The following OR52E4 variants were observed in gnomAD, a reference collection of about 807,000 sequenced individuals.
OR52E4 encodes olfactory receptor family 52 subfamily E member 4, also known as olfactory receptor 52E4.
For synonymous variants in OR52E4, 169 were observed against 137.4 expected (o/e 1.23, Z -1.61); for missense variants, 444 against 383.8 (o/e 1.16, Z -1.31).
chr11:5,885,430 A>T lies in OR52E4; in HGVS notation c.*199A>T. 1 of 521,870 alleles carries T rather than the reference A, an allele frequency of 1.9e-6. No individual in the cohort carries two copies. Among genetic ancestry groups the T allele is most frequent in the Non-Finnish European group, 3.4e-6 (1 of 297,348 alleles). 32.3% of individuals were successfully genotyped at this position (521,870 alleles called of 1,614,324 possible). ...CCCCTACTTCTCTCCAAGTACCTGG[A>T]CAAAGGTTAGAGATTAATGGAGAAG... On this transcript the variant is annotated 3_prime_UTR_variant, in exon 2 of 2. Transcript: ENST00000641726.
rs1204524499 is a variant in OR52E4 at position 5,886,509 on chromosome 11, G to T, written c.*1278G>T. 6.6e-6 allele frequency: 1 copy of T among 151,894 alleles called. No homozygotes were observed. The highest frequency in any genetic ancestry group is 2.4e-5 in the African/African-American group (1 of 41,366). 9.4% of individuals were successfully genotyped at this position (151,894 alleles called of 1,614,324 possible). On this transcript the variant is annotated 3_prime_UTR_variant, in exon 2 of 2. Coordinates refer to ENST00000641726, the MANE Select transcript of OR52E4 (RefSeq NM_001005165.2). ...TTATAAAACTTAGAAAAACAATTAG[G>T]CTCAAGCTATGGTAAGCACAGGGCC...
rs1847009707 is a variant in OR52E4, at chr11:5,884,512, G to A, written c.220G>A (p.Gly74Ser). The A allele has an allele frequency of 6.2e-7, 1 of 1,613,270 alleles. No homozygotes were observed. The highest frequency in any genetic ancestry group is 8.5e-7 in the Non-Finnish European group (1 of 1,179,646). Residue 74 changes from glycine (G) to serine (S), a missense_variant, in exon 2 of 2, where the codon GGT becomes AGT. Gly to Ser is a moderately conservative substitution (Grantham distance 56, BLOSUM62 0). Coordinates refer to ENST00000641726, the MANE Select transcript of OR52E4 (RefSeq NM_001005165.2). ...GGCCATGTTGTCTATGATTGATCTG[G>A]GTCTGTCCACATCCACTATCCCCAA... ...FLAMLSMIDL[G>S]LSTSTIPKML...
rs374518701 is a variant in OR52E4 at position 5,884,779 on chromosome 11, T to C, written c.487T>C (p.Phe163Leu). ...RNLVLVTPFVFLILRLPFCGH... is the reference protein window; with the variant it reads ...RNLVLVTPFVLLILRLPFCGH... The stretch of plus-strand genomic sequence containing the variant: ...TTTAGTTCTTGTAACCCCATTTGTG[T>C]TTCTCATTCTGCGTCTGCCATTCTG... Residue 163 changes from phenylalanine (F) to leucine (L), a missense_variant, in exon 2 of 2, where the codon TTT becomes CTT. Coordinates refer to ENST00000641726, the MANE Select transcript of OR52E4 (RefSeq NM_001005165.2). The C allele has an allele frequency of 6.2e-7, 1 of 1,613,662 alleles. No homozygotes were observed. Among genetic ancestry groups the C allele is most frequent in the African/African-American group, 1.3e-5 (1 of 74,986 alleles).
chr11:5,883,986 G>A (rs1011305065), intron 1 of OR52E4, among the ~76,000 whole-genome samples: 13 of 152,028 alleles, frequency 8.6e-5, no homozygotes, highest in African/African-American at 1.4e-4. Context: ...AGGGAATGCC[G>A]TAATATAAAT....
intron 1 of OR52E4, 22 bp downstream of exon 1, chr11:5,880,736 A>T (rs1846952354): frequency 6.6e-6 from 1 of 152,176 alleles, no homozygotes; most frequent in African/African-American, 2.4e-5. Context: ...TGTGCAGGAG[A>T]AGTGAAAAGA....
intron 1 of OR52E4, among the ~76,000 whole-genome samples, chr11:5,882,852 A>G (rs1425235944): frequency 6.6e-6 from 1 of 152,022 alleles, no homozygotes; most frequent in Admixed American, 6.6e-5. Context: ...GAGTATTACA[A>G]TGATTACCCC....
In OR52E4 at chr11:5,886,989, C is replaced by T. The variant is rs930976666; in HGVS notation, c.*1758C>T. On this transcript the variant is annotated 3_prime_UTR_variant, in exon 2 of 2. Transcript: ENST00000641726. Reference sequence around the variant, plus strand: ...TCTAATTTGATTTTTGCAGCTTCTGCTTCATGTACTTAACATTTTATGGGA... The same window carrying T: ...TCTAATTTGATTTTTGCAGCTTCTGTTTCATGTACTTAACATTTTATGGGA... The T allele has an allele frequency of 1.3e-5, 2 of 152,006 alleles. No homozygotes were observed. Among genetic ancestry groups the T allele is most frequent in the African/African-American group, 4.8e-5 (2 of 41,400 alleles). 9.4% of individuals were successfully genotyped at this position (152,006 alleles called of 1,614,324 possible).
Position 5,885,261 on chromosome 11 carries a change from T to A in OR52E4, c.*30T>A, listed in dbSNP as rs777290906. The A allele has an allele frequency of 1.0e-5, 14 of 1,387,804 alleles. No individual in the cohort carries two copies. In the South Asian group the frequency reaches 1.2e-4, roughly 12 times the overall value. 86.0% of individuals were successfully genotyped at this position (1,387,804 alleles called of 1,614,324 possible). A position where few individuals can be genotyped will look rare whatever the true frequency, so the allele number is the denominator to read the frequency against. On this transcript the variant is annotated 3_prime_UTR_variant, in exon 2 of 2. Coordinates refer to ENST00000641726, the MANE Select transcript of OR52E4 (RefSeq NM_001005165.2). ...GTATTAAAGTTTGGATAAATATATCTATATACAACCCAAATTATCATCATC... is the reference window on the plus strand; with the variant it reads ...GTATTAAAGTTTGGATAAATATATCAATATACAACCCAAATTATCATCATC...
chr11:5,885,113 A>G lies in OR52E4; in HGVS notation c.821A>G (p.His274Arg), dbSNP rs762674612. 6.2e-7 allele frequency: 1 copy of G among 1,613,264 alleles called. No homozygotes were observed. Among genetic ancestry groups the G allele is most frequent in the Non-Finnish European group, 8.5e-7 (1 of 1,179,610 alleles). The change falls in exon 2 of 2, where the codon CAT becomes CGT. Residue 274 changes from histidine to arginine, a missense_variant. His to Arg is a conservative substitution (Grantham distance 29). Transcript: ENST00000641726. The part of the protein sequence containing the change: ...RFGQNIPHYI[H>R]ILLANLYVVV... ...GGCCAAAACATTCCCCACTATATCCATATTCTTTTGGCTAACCTGTATGTG... is the reference window on the plus strand; with the variant it reads ...GGCCAAAACATTCCCCACTATATCCGTATTCTTTTGGCTAACCTGTATGTG...
chr11:5,884,968 G>A lies in OR52E4; in HGVS notation c.676G>A (p.Val226Ile). The A allele has an allele frequency of 6.2e-7, 1 of 1,612,840 alleles. No homozygotes were observed. The highest frequency in any genetic ancestry group is 8.5e-7 in the Non-Finnish European group (1 of 1,179,100). ...TTCCTATGTGCTTATCCTTAGAGCT[G>A]TTTTTCGCCTTCCCTCTCAAGATGT... ...ASSYVLILRAVFRLPSQDVRL... is the reference protein window; with the variant it reads ...ASSYVLILRAIFRLPSQDVRL... The change falls in exon 2 of 2, where the codon GTT becomes ATT. Residue 226 changes from valine (V) to isoleucine (I), a missense_variant. Coordinates refer to ENST00000641726, the MANE Select transcript of OR52E4 (RefSeq NM_001005165.2).
In OR52E4 at chr11:5,885,278, A is replaced by T; in HGVS notation, c.*47A>T. 8.0e-7 allele frequency: 1 copy of T among 1,252,730 alleles called. No individual in the cohort carries two copies. The highest frequency in any genetic ancestry group is 1.1e-6 in the Non-Finnish European group (1 of 908,736). The allele number at this position is 1,252,730 out of a possible 1,614,324, so 77.6% of individuals were successfully genotyped here. Reference sequence around the variant, plus strand: ...AATATATCTATATACAACCCAAATTATCATCATCTGAGCTCCCTTTTTAAT... The same window carrying T: ...AATATATCTATATACAACCCAAATTTTCATCATCTGAGCTCCCTTTTTAAT... On this transcript the variant is annotated 3_prime_UTR_variant, in exon 2 of 2. Transcript: ENST00000641726.
chr11:5,884,470 C>T lies in OR52E4; in HGVS notation c.178C>T (p.Pro60Ser), dbSNP rs1847008722. Reference sequence around the variant, plus strand: ...CAAAACTGAACATAGTCTACACCAGCCCATGTTCTACTTCCTGGCCATGTT... The same window carrying T: ...CAAAACTGAACATAGTCTACACCAGTCCATGTTCTACTTCCTGGCCATGTT... ...VIKTEHSLHQ[P>S]MFYFLAMLSM... Residue 60 changes from proline (P) to serine (S), a missense_variant, in exon 2 of 2, where the codon CCC becomes TCC. Transcript: ENST00000641726. 1.1e-5 allele frequency: 18 copies of T among 1,613,480 alleles called. No homozygotes were observed. Among genetic ancestry groups the T allele is most frequent in the Non-Finnish European group, 1.4e-5 (17 of 1,179,622 alleles).
At position 5,886,554 on chromosome 11, in the gene OR52E4, A is replaced by G. The variant is rs927333608; in HGVS notation, c.*1323A>G. 2 of 152,104 alleles carry G rather than the reference A, an allele frequency of 1.3e-5. No individual in the cohort carries two copies. The highest frequency in any genetic ancestry group is 2.4e-5 in the African/African-American group (1 of 41,434). 9.4% of individuals were successfully genotyped at this position (152,104 alleles called of 1,614,324 possible). A position where few individuals can be genotyped will look rare whatever the true frequency, so the allele number is the denominator to read the frequency against. ...AGGGCCAGACTTGATATCGACTTCAAAATAATATCATTATAATTTATTAAT... is the reference window on the plus strand; with the variant it reads ...AGGGCCAGACTTGATATCGACTTCAGAATAATATCATTATAATTTATTAAT... On this transcript the variant is annotated 3_prime_UTR_variant, in exon 2 of 2. Coordinates refer to ENST00000641726, the MANE Select transcript of OR52E4 (RefSeq NM_001005165.2).
intron 1 of OR52E4, among the ~76,000 whole-genome samples, chr11:5,882,084 G>C (rs1320474447): frequency 6.6e-6 from 1 of 152,052 alleles, no homozygotes; most frequent in Non-Finnish European, 1.5e-5. Context: ...CTCCAGTAGG[G>C]ATCTTTGTCA....
In OR52E4 at chr11:5,884,355, A is replaced by C; in HGVS notation, c.63A>C (p.Gly21=). The change falls in exon 2 of 2, where the codon GGA becomes GGC. Residue 21 remains glycine (G), a synonymous_variant. Transcript: ENST00000641726. ...PPFFLLLGIP[G]LDTLHIWISF... ...TCTTCCTCCTGCTAGGAATACCAGG[A>C]CTGGACACTTTACATATCTGGATTT... The C allele has an allele frequency of 6.2e-7, 1 of 1,613,286 alleles. No individual in the cohort carries two copies. The highest frequency in any genetic ancestry group is 1.1e-5 in the South Asian group (1 of 91,060).
Position 5,884,672 on chromosome 11 carries a change from C to A in OR52E4, c.380C>A (p.Ala127Asp). Residue 127 changes from alanine (A) to aspartate (D), a missense_variant, in exon 2 of 2, where the codon GCC becomes GAC. Physicochemically the swap from Ala to Asp is moderately radical, Grantham distance 126. Coordinates refer to ENST00000641726, the MANE Select transcript of OR52E4 (RefSeq NM_001005165.2). ...GTCATGGCTTATGACCGCTTTGTTG[C>A]CATCTGCAACCCTCTCCAGTACACC... ...LVVMAYDRFV[A>D]ICNPLQYTMI... 2.5e-6 allele frequency: 4 copies of A among 1,613,554 alleles called. No homozygotes were observed. Among genetic ancestry groups the A allele is most frequent in the South Asian group, 2.2e-5 (2 of 91,074 alleles).
Position 5,884,248 on chromosome 11 carries a change from GT to G in OR52E4, c.-44del. 7.2e-7 allele frequency: 1 copy of G among 1,392,134 alleles called. No homozygotes were observed. Among genetic ancestry groups the G allele is most frequent in the Non-Finnish European group, 1.0e-6 (1 of 1,001,784 alleles). The allele number at this position is 1,392,134 out of a possible 1,614,324, so 86.2% of individuals were successfully genotyped here. On this transcript the variant is annotated 5_prime_UTR_variant, in exon 2 of 2. Coordinates refer to ENST00000641726, the MANE Select transcript of OR52E4 (RefSeq NM_001005165.2). The stretch of plus-strand genomic sequence containing the variant: ...TTGACAAGAGAGGACCTTAAAGAAA[GT>G]GAGATCCTTCATACTTAGGAATTCA...
intron 1 of OR52E4, among the ~76,000 whole-genome samples, chr11:5,883,711 G>A (rs1292837443): frequency 6.6e-6 from 1 of 151,894 alleles, no homozygotes; most frequent in East Asian, 1.9e-4. Flanking sequence ...AGATAATAGA[G>A]CTGAAATCTC....
chr11:5,882,614 A>C (rs1401540756), intron 1 of OR52E4, among the ~76,000 whole-genome samples: 1 of 152,014 alleles, frequency 6.6e-6, no homozygotes, highest in Non-Finnish European at 1.5e-5. Context: ...CTACCTGGCA[A>C]AGTTACAGGA....
Sources: allele counts gnomAD v4.1 joint callset (sites outside exome capture counted in the v4.1 genomes callset), GRCh38; gene constraint gnomAD v4.1.1; transcripts MANE v1.5; gene names NCBI Gene and HGNC (gene_info 2026-07-23, HGNC 2026-07-21).